The following WDR49 variants were observed in gnomAD, a reference collection of about 807,000 sequenced individuals.
WDR49 encodes the protein WD repeat domain 49.
Under a neutral mutation model 119.5 loss-of-function variants are expected in WDR49, and 107 were observed. The ratio of observed to expected loss-of-function variants is 0.90; its 90% confidence interval spans 0.77 to 1.05. The LOEUF (loss-of-function observed/expected upper bound fraction) is 1.05, where lower values mean the gene tolerates loss of function less well. Ranked by LOEUF, WDR49 falls within the 50% of genes least tolerant of loss-of-function variation. WDR49 has a pLI of 0.00. For missense variants in WDR49, 1,240 were observed against 1,220.5 expected (o/e 1.02, Z -0.24); for synonymous variants, 425 against 418.8 (o/e 1.01, Z -0.18).
At chr3:167,510,297 T>C (rs1351647611) in intron 16 of WDR49, among the ~76,000 whole-genome samples, 2 of 152,212 alleles carry the variant, frequency 1.3e-5, no homozygotes, top group African/African-American at 4.8e-5. Context: ...GGAAATATTC[T>C]GAAACTGTAT....
At chr3:167,486,457 G>A (rs979972607) in intron 18 of WDR49, among the ~76,000 whole-genome samples, 8 of 151,904 alleles carry the variant, frequency 5.3e-5, no homozygotes, top group Admixed American at 2.0e-4. Context: ...GACATAAGGC[G>A]GCATGCTGGT....
intron 18 of WDR49, among the ~76,000 whole-genome samples, chr3:167,486,696 AC>A (rs1170820804): frequency 6.6e-6 from 1 of 152,150 alleles, no homozygotes; most frequent in African/African-American, 2.4e-5. Flanking sequence ...TCCTAAATAG[AC>A]ACATACCAAT....
intron 7 of WDR49, among the ~76,000 whole-genome samples, chr3:167,582,969 TACACAC>T (rs142100499): frequency 7.9e-4 from 109 of 137,604 alleles, no homozygotes; most frequent in African/African-American, 2.9e-3. Context: ...CACACACACA[TACACAC>T]ACACACACAC....
At position 167,523,382 on chromosome 3, in the gene WDR49, C is replaced by CTTT. The variant is rs200074707; in HGVS notation, c.2605-901_2605-899dup. On this transcript the variant is annotated intron_variant, in intron 15 of 18. Transcript: ENST00000682715. The stretch of plus-strand genomic sequence containing the variant: ...TTACTCTTAAGGAATGACATACATT[C>CTTT]TTTTTTTTTTTTTCCACCTTAAGTT... Among the ~76,000 whole-genome samples the CTTT allele has an allele frequency of 8.9e-4, 130 of 145,722 alleles. 1 individual carries two copies. The highest frequency in any genetic ancestry group is 3.6e-3 in the Middle Eastern group (1 of 276).
chr3:167,621,879 A>G (rs763969876), intron 3 of WDR49, among the ~76,000 whole-genome samples: 1 of 152,098 alleles, frequency 6.6e-6, no homozygotes, highest in Non-Finnish European at 1.5e-5. Flanking sequence ...TCCTATCCCT[A>G]TTCCACACAG....
intron 7 of WDR49, among the ~76,000 whole-genome samples, chr3:167,596,960 A>G (rs998316473): frequency 8.6e-5 from 13 of 151,078 alleles, no homozygotes; most frequent in Non-Finnish European, 1.5e-4. Context: ...GAAAAAAAAA[A>G]AAAAGAAAAG....
intron 8 of WDR49, among the ~76,000 whole-genome samples, chr3:167,563,242 T>A (rs1474733092): frequency 4.6e-5 from 7 of 150,674 alleles, no homozygotes; most frequent in Non-Finnish European, 1.0e-4. Context: ...TAGTCCCAGC[T>A]ACTCAGGAGG....
intron 3 of WDR49, among the ~76,000 whole-genome samples, chr3:167,623,024 G>A (rs1440225048): frequency 6.6e-6 from 1 of 151,930 alleles, no homozygotes; most frequent in Non-Finnish European, 1.5e-5. Flanking sequence ...TATGACAAAT[G>A]AAAGATTAAA....
upstream of WDR49, among the ~76,000 whole-genome samples, chr3:167,656,215 T>C (rs1718598724): frequency 1.3e-5 from 2 of 152,188 alleles, no homozygotes; most frequent in Non-Finnish European, 2.9e-5. Flanking sequence ...GATAAGTCCT[T>C]CTTGTAAGTT....
chr3:167,533,868 G>T (rs1181793427), intron 11 of WDR49, among the ~76,000 whole-genome samples: 1 of 151,990 alleles, frequency 6.6e-6, no homozygotes, highest in Non-Finnish European at 1.5e-5. Context: ...ATGTACAAAT[G>T]GTGACTTTTT....
At chr3:167,601,942 A>G (rs763426895) in intron 7 of WDR49, among the ~76,000 whole-genome samples, 185 bp downstream of exon 7, 2 of 152,202 alleles carry the variant, frequency 1.3e-5, no homozygotes, top group African/African-American at 2.4e-5. Context: ...CCACTTGTCT[A>G]GGACTACTGT....
intron 2 of WDR49, among the ~76,000 whole-genome samples, chr3:167,650,790 C>T (rs1418872388): frequency 6.6e-6 from 1 of 152,166 alleles, no homozygotes; most frequent in Non-Finnish European, 1.5e-5. Flanking sequence ...GTTAATTGAG[C>T]ACTTACTCTC....
intron 18 of WDR49, among the ~76,000 whole-genome samples, chr3:167,482,007 T>A (rs1476945397): frequency 6.6e-6 from 1 of 152,076 alleles, no homozygotes; most frequent in Non-Finnish European, 1.5e-5. Context: ...CAAATAAAAG[T>A]CAACCTGACA....
chr3:167,527,468 T>A (rs1032826805), intron 15 of WDR49, among the ~76,000 whole-genome samples: 1 of 152,142 alleles, frequency 6.6e-6, no homozygotes, highest in Non-Finnish European at 1.5e-5. Flanking sequence ...TTAACAGTCA[T>A]AATCACCTGT....
chr3:167,535,274 A>T (rs1560273523), intron 11 of WDR49, among the ~76,000 whole-genome samples: 1 of 152,200 alleles, frequency 6.6e-6, no homozygotes, highest in Non-Finnish European at 1.5e-5. Context: ...ATTCATGCTC[A>T]AAGGAAACCA....
At chr3:167,650,239 T>C (rs1014493852) in intron 2 of WDR49, among the ~76,000 whole-genome samples, 11 of 152,152 alleles carry the variant, frequency 7.2e-5, no homozygotes, top group African/African-American at 2.7e-4. Context: ...CCTCAAACAA[T>C]AGTTGGCTTT....
At chr3:167,619,182 A>G (rs761511151) in intron 5 of WDR49, among the ~76,000 whole-genome samples, 5 of 152,178 alleles carry the variant, frequency 3.3e-5, no homozygotes, top group Non-Finnish European at 7.4e-5. Flanking sequence ...TTCAAGAACT[A>G]TCACTTTATT....
At chr3:167,521,024 A>G (rs990034601) in intron 16 of WDR49, among the ~76,000 whole-genome samples, 2 of 152,098 alleles carry the variant, frequency 1.3e-5, no homozygotes. Flanking sequence ...GACACAGCAG[A>G]CCTGTGTCTC....
At chr3:167,494,060 A>G (rs1350888165) in intron 18 of WDR49, among the ~76,000 whole-genome samples, 2 of 152,150 alleles carry the variant, frequency 1.3e-5, no homozygotes, top group Non-Finnish European at 2.9e-5. Flanking sequence ...GGTTTTCCTT[A>G]TCTTCAAAAT....
Sources: allele counts gnomAD v4.1 joint callset (sites outside exome capture counted in the v4.1 genomes callset), GRCh38; gene constraint gnomAD v4.1.1; transcripts MANE v1.5; gene names NCBI Gene and HGNC (gene_info 2026-07-23, HGNC 2026-07-21).